The following JMJD1C variants were observed in gnomAD, a reference collection of about 807,000 sequenced individuals.
JMJD1C encodes the protein jumonji domain containing 1C.
A neutral mutation model predicts 245.3 loss-of-function variants in JMJD1C; 31 were observed. The observed-to-expected ratio is 0.13, with a 90% CI of 0.09 to 0.17. The LOEUF is 0.17. Among genes scored for constraint, JMJD1C ranks in the 10% least tolerant of loss-of-function variants. The pLI is 1.00. For missense variants in JMJD1C, 2,691 were observed against 3,000.2 expected (o/e 0.90, Z 2.41); for synonymous variants, 1,057 against 1,017.4 (o/e 1.04, Z -0.74).
Position 63,222,517 on chromosome 10 carries a change from C to T in JMJD1C, c.448-2534G>A. ...GTGGACTTGATTTTGACTGACTGCA[C>T]TTTTGTCCCAAAGATACTCAACTCA... On this transcript the variant is annotated intron_variant, in intron 3 of 25. Transcript: ENST00000399262. 3.8e-6 allele frequency: 5 copies of T among 1,320,510 alleles called. No homozygotes were observed. The South Asian group carries it at 5.9e-5, about 16-fold the overall frequency. 81.8% of individuals were successfully genotyped at this position (1,320,510 alleles called of 1,614,324 possible). A position where few individuals can be genotyped will look rare whatever the true frequency, so the allele number is the denominator to read the frequency against.
chr10:63,439,597 T>G (rs1175152598), intron 1 of JMJD1C, among the ~76,000 whole-genome samples: 1 of 152,198 alleles, frequency 6.6e-6, no homozygotes, highest in Non-Finnish European at 1.5e-5. Flanking sequence ...TTGAACCACC[T>G]CAGTTTACAC....
intron 1 of JMJD1C, among the ~76,000 whole-genome samples, chr10:63,476,261 T>C (rs1236298438): frequency 6.8e-6 from 1 of 147,998 alleles, no homozygotes; most frequent in African/African-American, 2.5e-5. Context: ...TATAAATAAT[T>C]ATATATATAA....
chr10:63,480,665 A>G (rs930353136), intron 1 of JMJD1C, among the ~76,000 whole-genome samples: 19 of 151,978 alleles, frequency 1.3e-4, no homozygotes, highest in African/African-American at 4.6e-4. Flanking sequence ...CATCACAGCC[A>G]GTTTGAATGC....
At chr10:63,331,715 T>C (rs1213342440) in intron 2 of JMJD1C, among the ~76,000 whole-genome samples, 1 of 152,128 alleles carries the variant, frequency 6.6e-6, no homozygotes, top group Admixed American at 6.6e-5. Flanking sequence ...CAGGTTCAAG[T>C]GATTCTCATG....
intron 2 of JMJD1C, among the ~76,000 whole-genome samples, chr10:63,349,833 G>C (rs538080768): frequency 6.6e-6 from 1 of 152,270 alleles, no homozygotes; most frequent in East Asian, 1.9e-4. Context: ...GATGAATTTT[G>C]TAATACTGTA....
At chr10:63,279,372 A>T (rs1167632665) in intron 2 of JMJD1C, among the ~76,000 whole-genome samples, 1 of 152,258 alleles carries the variant, frequency 6.6e-6, no homozygotes, top group Non-Finnish European at 1.5e-5. Context: ...CAGAAAAAAA[A>T]TTTTAAAAAG....
intron 1 of JMJD1C, among the ~76,000 whole-genome samples, chr10:63,403,597 C>T (rs979775468): frequency 2.0e-5 from 3 of 152,164 alleles, no homozygotes; most frequent in South Asian, 2.1e-4. Flanking sequence ...ACCTTAAGTG[C>T]GAACGCTGTT....
At position 63,214,926 on chromosome 10, in the gene JMJD1C, CCTT is replaced by C. The variant is rs1456616934; in HGVS notation, c.1238_1240del (p.Glu413del). On this transcript the variant is annotated inframe_deletion, in exon 8 of 26. Transcript: ENST00000399262. ...TGCCTTCTCATTATTATGGGGTTTTCCTTCTTCTCCATTTATTTTTGAAGTATT... is the reference window on the plus strand; with the variant it reads ...TGCCTTCTCATTATTATGGGGTTTTCCTTCTCCATTTATTTTTGAAGTATT... The C allele has an allele frequency of 8.7e-6, 14 of 1,607,194 alleles. No individual in the cohort carries two copies. The highest frequency in any genetic ancestry group is 1.3e-5 in the African/African-American group (1 of 74,546).
At chr10:63,251,390 CAG>C (rs1481765265) in intron 3 of JMJD1C, among the ~76,000 whole-genome samples, 4 of 152,194 alleles carry the variant, frequency 2.6e-5, no homozygotes, top group African/African-American at 9.6e-5. Context: ...ACACAACTGA[CAG>C]ATACATTGGA....
At chr10:63,353,016 T>A (rs1242289921) in intron 2 of JMJD1C, among the ~76,000 whole-genome samples, 1 of 152,190 alleles carries the variant, frequency 6.6e-6, no homozygotes, top group East Asian at 1.9e-4. Flanking sequence ...TCATGGGACA[T>A]ACAGTCTACG....
chr10:63,316,274 G>A (rs193227543), intron 2 of JMJD1C, among the ~76,000 whole-genome samples: 2 of 152,180 alleles, frequency 1.3e-5, no homozygotes, highest in Non-Finnish European at 2.9e-5. Context: ...TTAGAAGTAC[G>A]CAGTAATTTT....
intron 2 of JMJD1C, chr10:63,269,178 A>G: frequency 1.0e-6 from 1 of 985,460 alleles, no homozygotes; most frequent in Non-Finnish European, 1.2e-6. Context: ...GCGTGGAAAC[A>G]CAGTGCAGTA....
intron 1 of JMJD1C, among the ~76,000 whole-genome samples, chr10:63,480,982 A>G (rs1224979835): frequency 6.6e-6 from 1 of 152,232 alleles, no homozygotes; most frequent in Non-Finnish European, 1.5e-5. Flanking sequence ...TAACCACATT[A>G]TAGACTCATC....
intron 2 of JMJD1C, among the ~76,000 whole-genome samples, chr10:63,288,483 T>C (rs750088250): frequency 2.6e-5 from 4 of 152,220 alleles, no homozygotes; most frequent in African/African-American, 7.2e-5. Flanking sequence ...GGGGTAGATG[T>C]GTTTTCAACT....
Position 63,215,064 on chromosome 10 carries a change from C to T in JMJD1C, c.1103G>A (p.Arg368Gln), listed in dbSNP as rs200644675. The stretch of plus-strand genomic sequence containing the variant: ...AGAAAAGTCTGAAACATTGTCAGTT[C>T]GAAGTCTTTTCATATTTAGTTTCTT... ...DEKKLNMKRL[R>Q]TDNVSDFSES... is the part of the protein sequence containing the mutation. The change falls in exon 8 of 26, where the codon CGA (arginine) becomes CAA (glutamine). Residue 368 changes from arginine (R) to glutamine (Q), a missense_variant. Arg to Gln is a conservative substitution (Grantham distance 43). Coordinates refer to ENST00000399262, the MANE Select transcript of JMJD1C (RefSeq NM_032776.3). 4.7e-4 allele frequency: 756 copies of T among 1,602,600 alleles called. 2 individuals carry two copies. Among genetic ancestry groups the T allele is most frequent in the Middle Eastern group, 2.5e-3 (15 of 5,926 alleles).
At chr10:63,314,349 C>CAGG (rs1939644776) in intron 2 of JMJD1C, among the ~76,000 whole-genome samples, 1 of 152,196 alleles carries the variant, frequency 6.6e-6, no homozygotes, top group Non-Finnish European at 1.5e-5. Flanking sequence ...TGCTTGAGTC[C>CAGG]AGGAGTTCAA....
chr10:63,215,815 A>G (rs1488302324), intron 5 of JMJD1C, 119 bp from the exon 6 acceptor site: 223 of 615,888 alleles, frequency 3.6e-4, no homozygotes, highest in Non-Finnish European at 2.3e-5. Flanking sequence ...CTAATTTATA[A>G]GATGCTGTTA....
chr10:63,214,084 T>C lies in JMJD1C; in HGVS notation c.2083A>G (p.Thr695Ala). 6.2e-7 allele frequency: 1 copy of C among 1,614,164 alleles called. No homozygotes were observed. The highest frequency in any genetic ancestry group is 1.3e-5 in the African/African-American group (1 of 75,070). The change falls in exon 8 of 26, where the codon ACA becomes GCA. Residue 695 changes from threonine (T) to alanine (A), a missense_variant. Physicochemically the swap from Thr to Ala is moderately conservative, Grantham distance 58. This residue lies in a region of JMJD1C where 1,562 missense variants were observed against 1,490.7 expected (regional missense o/e 1.05). Transcript: ENST00000399262. ...SFHPIPTRSS[T>A]LETTKSPLII... ...AGAGGACTCTTTGTAGTTTCTAATG[T>C]ACTGCTTCGAGTAGGAATTGGATGA...
chr10:63,481,048 A>G (rs1171540717), intron 1 of JMJD1C, among the ~76,000 whole-genome samples: 1 of 152,228 alleles, frequency 6.6e-6, no homozygotes, highest in Non-Finnish European at 1.5e-5. Context: ...TGTTGACATT[A>G]TAAAATTAGG....
Sources: allele counts gnomAD v4.1 joint callset (sites outside exome capture counted in the v4.1 genomes callset), GRCh38; gene constraint gnomAD v4.1.1; regional missense constraint gnomAD v4.1.1; transcripts MANE v1.5; gene names NCBI Gene and HGNC (gene_info 2026-07-23, HGNC 2026-07-21).